CORO7: variants seen among roughly 807,000 people sequenced by gnomAD.
The protein encoded by CORO7 is coronin 7.
CORO7 carries 107 observed loss-of-function variants against 126.6 expected under a neutral mutation model. That is an observed-to-expected ratio of 0.85 (90% CI 0.72 to 0.99). CORO7 has a LOEUF of 0.99. Ranked by LOEUF, CORO7 falls within the 50% of genes least tolerant of loss-of-function variation. The probability of loss-of-function intolerance (pLI) is 0.00; values close to 1 mark genes in which losing one functional copy is unlikely to be tolerated. For missense variants in CORO7, 1,314 were observed against 1,255.8 expected (o/e 1.05, Z -0.70); for synonymous variants, 603 against 536.8 (o/e 1.12, Z -1.70).
chr16:4,385,238 C>T (rs900731376), intron 9 of CORO7, among the ~76,000 whole-genome samples: 14 of 152,122 alleles, frequency 9.2e-5, no homozygotes, highest in African/African-American at 2.7e-4. Flanking sequence ...TCATGCCCGG[C>T]GACCTCGTCT....
chr16:4,380,710 C>T (rs1037657053), intron 9 of CORO7, among the ~76,000 whole-genome samples: 19 of 152,228 alleles, frequency 1.2e-4, no homozygotes, highest in African/African-American at 4.3e-4. Flanking sequence ...GGGGCTGGGA[C>T]AGAACCTGGG....
chr16:4,382,442 T>A, intron 9 of CORO7: 1 of 1,610,262 alleles, frequency 6.2e-7, no homozygotes, highest in Non-Finnish European at 8.5e-7. Flanking sequence ...GAGTACACGG[T>A]CACCCAGCTG....
Position 4,361,047 on chromosome 16 carries a change from G to T in CORO7, c.1813C>A (p.Leu605Met). ...EKICSLRFHP[L>M]AANVLASSSY... is the part of the protein sequence containing the mutation. ...GACGAGGCCAGCACATTGGCTGCCA[G>T]TGGGTGGAAGCGCAGGGAGCAGATC... The change falls in exon 19 of 28, where the codon CTG becomes ATG. Residue 605 changes from leucine to methionine, a missense_variant. Physicochemically the swap from Leu to Met is conservative, Grantham distance 15. Transcript: ENST00000251166. 6.2e-7 allele frequency: 1 copy of T among 1,613,400 alleles called. No individual in the cohort carries two copies. Among genetic ancestry groups the T allele is most frequent in the Non-Finnish European group, 8.5e-7 (1 of 1,180,024 alleles).
In CORO7 at chr16:4,407,767, G is replaced by A. The variant is rs2056060134; in HGVS notation, c.304-83C>T. ...GCTGCCGTGACCCCAGTGAGGTCCC[G>A]TGTTGGAACTAGGCTGCTCCAGGAG... On this transcript the variant is annotated intron_variant, in intron 4 of 27. Transcript: ENST00000251166. 6 of 1,448,868 alleles carry A rather than the reference G, an allele frequency of 4.1e-6. No individual in the cohort carries two copies. In the South Asian group the frequency reaches 5.8e-5, roughly 14 times the overall value. The allele number at this position is 1,448,868 out of a possible 1,614,324, so 89.8% of individuals were successfully genotyped here.
At chr16:4,385,583 C>T (rs556267880) in intron 9 of CORO7, among the ~76,000 whole-genome samples, 24 of 152,330 alleles carry the variant, frequency 1.6e-4, no homozygotes, top group African/African-American at 5.3e-4. Flanking sequence ...ATCCCCCCAC[C>T]TCCACCCTGC....
intron 5 of CORO7, among the ~76,000 whole-genome samples, chr16:4,405,850 T>C (rs1316830141): frequency 6.6e-6 from 1 of 151,306 alleles, no homozygotes; most frequent in Non-Finnish European, 1.5e-5. Context: ...ACTTCCAACA[T>C]AGCTCCCCAC....
chr16:4,409,267 C>T (rs12445324), intron 3 of CORO7, among the ~76,000 whole-genome samples: 4,184 of 152,298 alleles, frequency 0.027, 95 homozygotes, highest in Admixed American at 0.088. Context: ...TTGGGATAGC[C>T]CTGGCCTGGA....
intron 7 of CORO7, among the ~76,000 whole-genome samples, chr16:4,390,088 C>T (rs915616798): frequency 2.6e-5 from 4 of 152,140 alleles, no homozygotes; most frequent in Non-Finnish European, 5.9e-5. Context: ...GGAATAAACA[C>T]ATCGGGGAGG....
intron 5 of CORO7, among the ~76,000 whole-genome samples, chr16:4,407,162 G>T (rs1274246635): frequency 6.8e-6 from 1 of 146,080 alleles, no homozygotes; most frequent in Non-Finnish European, 1.5e-5. Flanking sequence ...TGGCCAGGCT[G>T]GTCTTGAACT....
At chr16:4,372,859 T>C (rs1403710540) in intron 9 of CORO7, among the ~76,000 whole-genome samples, 1 of 152,122 alleles carries the variant, frequency 6.6e-6, no homozygotes, top group Admixed American at 6.5e-5. Context: ...CCTGGGGGTC[T>C]AGGTGTCCCC....
At chr16:4,364,187 A>G in intron 14 of CORO7, 89 bp downstream of exon 14, 3 of 994,422 alleles carry the variant, frequency 3.0e-6, no homozygotes, top group Non-Finnish European at 2.6e-6. Context: ...CACTGTCTCA[A>G]AAAAAAAAAA....
In CORO7 at chr16:4,408,359, G is replaced by A. The variant is rs1596339353; in HGVS notation, c.233-108C>T. 1.0e-5 allele frequency: 15 copies of A among 1,493,444 alleles called. No homozygotes were observed. The South Asian group carries it at 1.2e-4, about 12-fold the overall frequency. 92.5% of individuals were successfully genotyped at this position (1,493,444 alleles called of 1,614,324 possible). A position where few individuals can be genotyped will look rare whatever the true frequency, so the allele number is the denominator to read the frequency against. On this transcript the variant is annotated intron_variant, in intron 3 of 27. Transcript: ENST00000251166. ...CACTTTTGTGTGCACACAGAAACAG[G>A]CTACAAGTCTACAAGGGCCCTCTGG...
At chr16:4,399,627 G>C (rs1207189020) in intron 6 of CORO7, among the ~76,000 whole-genome samples, 1 of 152,146 alleles carries the variant, frequency 6.6e-6, no homozygotes, top group African/African-American at 2.4e-5. Flanking sequence ...AAATGGTTAA[G>C]ATGGTGAATT....
intron 9 of CORO7, among the ~76,000 whole-genome samples, chr16:4,387,183 C>A (rs537338715): frequency 2.0e-5 from 3 of 152,168 alleles, no homozygotes; most frequent in Non-Finnish European, 4.4e-5. Flanking sequence ...GAACACCCCC[C>A]CCAGCCTCAG....
chr16:4,402,312 G>C (rs1280118061), intron 6 of CORO7, among the ~76,000 whole-genome samples: 2 of 152,178 alleles, frequency 1.3e-5, no homozygotes, highest in East Asian at 3.9e-4. Flanking sequence ...CTGGAGTGAA[G>C]TGGCTCAATC....
chr16:4,413,217 A>G lies in CORO7; in HGVS notation c.157+91T>C, dbSNP rs112150067. On this transcript the variant is annotated intron_variant, in intron 2 of 27. Coordinates refer to ENST00000251166, the MANE Select transcript of CORO7 (RefSeq NM_024535.5). The stretch of plus-strand genomic sequence containing the variant: ...AAGCAGTTCCGTTCCAAGTCTCCAA[A>G]TACACCAAGCCTGCCCCTGCTCCCC... 2.4e-3 allele frequency: 3,302 copies of G among 1,359,932 alleles called. 60 individuals are homozygous for G. The African/African-American group carries it at 0.041, about 17-fold the overall frequency. The allele number at this position is 1,359,932 out of a possible 1,614,324, so 84.2% of individuals were successfully genotyped here.
rs1361764745 is a variant in CORO7, at chr16:4,364,433, G to A, written c.1138-20C>T. On this transcript the variant is annotated intron_variant, in intron 13 of 27. Coordinates refer to ENST00000251166, the MANE Select transcript of CORO7 (RefSeq NM_024535.5). The stretch of plus-strand genomic sequence containing the variant: ...CTGCACCTGCATGGAGGCCGGCAGT[G>A]GGGAGATGGGGGCATGGGCTGCCCG... The A allele has an allele frequency of 2.7e-6, 4 of 1,490,124 alleles. No homozygotes were observed. Among genetic ancestry groups the A allele is most frequent in the Non-Finnish European group, 3.6e-6 (4 of 1,122,106 alleles). 92.3% of individuals were successfully genotyped at this position (1,490,124 alleles called of 1,614,324 possible). A position where few individuals can be genotyped will look rare whatever the true frequency, so the allele number is the denominator to read the frequency against.
intron 5 of CORO7, among the ~76,000 whole-genome samples, chr16:4,406,094 G>T (rs2055987499): frequency 6.6e-6 from 1 of 152,152 alleles, no homozygotes; most frequent in Admixed American, 6.6e-5. Flanking sequence ...CCGCCTCCTG[G>T]GTTCCAGCAA....
At chr16:4,370,969 G>C (rs1345722357) in intron 9 of CORO7, among the ~76,000 whole-genome samples, 2 of 152,228 alleles carry the variant, frequency 1.3e-5, no homozygotes, top group African/African-American at 4.8e-5. Context: ...GGAGGGGGAG[G>C]AGGGCAGAGT....
Sources: gnomAD v4.1 joint callset for allele counts (sites outside exome capture counted in the v4.1 genomes callset) on GRCh38, gnomAD v4.1.1 for gene constraint, MANE v1.5 for transcripts, NCBI Gene and HGNC (gene_info 2026-07-23, HGNC 2026-07-21) for gene names.